The following NID2 variants were observed in gnomAD, a reference collection of about 807,000 sequenced individuals.
NID2 encodes nidogen-2.
In NID2, 83 loss-of-function variants were observed where a neutral mutation model predicts 145.4. The observed-to-expected ratio is 0.57, with a 90% CI of 0.48 to 0.69. The LOEUF (loss-of-function observed/expected upper bound fraction) is 0.69, where lower values mean the gene tolerates loss of function less well. Among genes scored for constraint, NID2 ranks in the 30% least tolerant of loss-of-function variants. NID2 has a pLI of 0.00. For missense variants in NID2, 1,807 were observed against 1,765.7 expected (o/e 1.02, Z -0.42); for synonymous variants, 739 against 701.3 (o/e 1.05, Z -0.85).
chr14:52,024,647 G>A (rs545812041), intron 12 of NID2, among the ~76,000 whole-genome samples: 1 of 152,124 alleles, frequency 6.6e-6, no homozygotes, highest in African/African-American at 2.4e-5. Context: ...TTATTATACA[G>A]CAATAGATAA....
At chr14:52,008,172 C>G (rs1404834947) in intron 18 of NID2, 1 of 457,458 alleles carries the variant, frequency 2.2e-6, no homozygotes, top group Admixed American at 4.1e-5. Context: ...GATATTCGGT[C>G]TCAAAAAACT....
intron 16 of NID2, among the ~76,000 whole-genome samples, chr14:52,013,786 G>C (rs1382366842): frequency 2.0e-5 from 3 of 152,166 alleles, no homozygotes; most frequent in Non-Finnish European, 2.9e-5. Flanking sequence ...GGTTAGGAAA[G>C]AAGTGGGTCA....
Position 52,054,183 on chromosome 14 carries a change from A to C in NID2, c.906T>G (p.His302Gln), listed in dbSNP as rs182972521. The change falls in exon 4 of 22, where the codon CAT becomes CAG. Residue 302 changes from histidine to glutamine, a missense_variant. Coordinates refer to ENST00000216286, the MANE Select transcript of NID2 (RefSeq NM_007361.4). ...SSVPLGRSFS[H>Q]ATALESDYNE... Reference sequence around the variant, plus strand: ...TATAGTCACTTTCCAGGGCTGTAGCATGGCTGAAGGAACGTCCCAGGGGAA... The same window carrying C: ...TATAGTCACTTTCCAGGGCTGTAGCCTGGCTGAAGGAACGTCCCAGGGGAA... 1 of 1,614,156 alleles carries C rather than the reference A, an allele frequency of 6.2e-7. No individual in the cohort carries two copies. The highest frequency in any genetic ancestry group is 1.7e-5 in the Admixed American group (1 of 60,016).
At chr14:52,007,476 A>G in intron 19 of NID2, 1 of 286,454 alleles carries the variant, frequency 3.5e-6, no homozygotes. Flanking sequence ...TTTATAGGTA[A>G]GTTATAGTGA....
intron 12 of NID2, 143 bp downstream of exon 12, chr14:52,027,058 C>T (rs569356231): frequency 7.0e-5 from 55 of 791,210 alleles, no homozygotes; most frequent in South Asian, 4.6e-4. Context: ...ACTCAAAGGA[C>T]GCTTTTTTCT....
rs754581121 is a variant in NID2 at position 52,005,437 on chromosome 14, G to A, written c.*49C>T. 6 of 1,516,700 alleles carry A rather than the reference G, an allele frequency of 4.0e-6. No homozygotes were observed. Among genetic ancestry groups the A allele is most frequent in the Middle Eastern group, 1.8e-4 (1 of 5,686 alleles). The allele number at this position is 1,516,700 out of a possible 1,614,324, so 94.0% of individuals were successfully genotyped here. A position where few individuals can be genotyped will look rare whatever the true frequency, so the allele number is the denominator to read the frequency against. On this transcript the variant is annotated 3_prime_UTR_variant, in exon 22 of 22. Coordinates refer to ENST00000216286, the MANE Select transcript of NID2 (RefSeq NM_007361.4). ...TGCCTTTGCAGTCACTGTTCTTTAG[G>A]GTCCAGGTTCTGATTGTAAACTCCA... is the stretch of plus-strand genomic sequence containing the variant.
At position 52,027,165 on chromosome 14, in the gene NID2, C is replaced by A. The variant is rs952314623; in HGVS notation, c.2674+36G>T. ...ATGTGGGGATGTGCATCCAAAGCAA[C>A]TTTCCAGTCATTGAGGCTGACCTGC... On this transcript the variant is annotated intron_variant, in intron 12 of 21. Transcript: ENST00000216286. 11 of 1,435,572 alleles carry A rather than the reference C, an allele frequency of 7.7e-6. No homozygotes were observed. In the African/African-American group the frequency reaches 1.2e-4, roughly 15 times the overall value. The allele number at this position is 1,435,572 out of a possible 1,614,324, so 88.9% of individuals were successfully genotyped here.
Position 52,015,261 on chromosome 14 carries a change from G to T in NID2, c.3043C>A (p.Pro1015Thr). 2 of 1,611,360 alleles carry T rather than the reference G, an allele frequency of 1.2e-6. No homozygotes were observed. The highest frequency in any genetic ancestry group is 8.5e-7 in the Non-Finnish European group (1 of 1,177,742). Residue 1015 changes from proline to threonine, a missense_variant, in exon 15 of 22, where the codon CCC becomes ACC. Physicochemically the swap from Pro to Thr is conservative, Grantham distance 38 (BLOSUM62 -1). Coordinates refer to ENST00000216286, the MANE Select transcript of NID2 (RefSeq NM_007361.4). ...CGPSPEPTQRPPTICERWREN... is the reference protein window; with the variant it reads ...CGPSPEPTQRTPTICERWREN... ...CTCCAGCGCTCACAGATGGTCGGGGGCCTCTGGGTGGGCTCTGAGCAGATG... is the reference window on the plus strand; with the variant it reads ...CTCCAGCGCTCACAGATGGTCGGGGTCCTCTGGGTGGGCTCTGAGCAGATG...
intron 9 of NID2, among the ~76,000 whole-genome samples, chr14:52,035,305 C>T (rs545461535): frequency 1.1e-4 from 16 of 152,334 alleles, no homozygotes; most frequent in Admixed American, 3.9e-4. Flanking sequence ...CTGGCAACCA[C>T]TGATCTTTTT....
At chr14:52,064,037 G>T (rs978226392) in intron 2 of NID2, among the ~76,000 whole-genome samples, 1 of 152,052 alleles carries the variant, frequency 6.6e-6, no homozygotes, top group African/African-American at 2.4e-5. Context: ...TGATATCTCA[G>T]ACTCAGTCTG....
intron 8 of NID2, among the ~76,000 whole-genome samples, chr14:52,040,154 T>G (rs1892225247): frequency 6.6e-6 from 1 of 152,216 alleles, no homozygotes; most frequent in Admixed American, 6.5e-5. Flanking sequence ...TTGGCCAGGC[T>G]GGTCTTGAAC....
At chr14:52,054,445 T>A in intron 3 of NID2, 124 bp from the exon 4 acceptor site, 1 of 994,104 alleles carries the variant, frequency 1.0e-6, no homozygotes, top group Non-Finnish European at 1.4e-6. Flanking sequence ...CTCACACTTA[T>A]AATCCCAGCA....
intron 17 of NID2, 56 bp downstream of exon 17, chr14:52,011,498 G>A: frequency 6.2e-7 from 1 of 1,610,040 alleles, no homozygotes; most frequent in East Asian, 2.2e-5. Context: ...GCGTAAAGTA[G>A]ACAAGTGACT....
At position 52,042,308 on chromosome 14, in the gene NID2, T is replaced by A; in HGVS notation, c.1622A>T (p.His541Leu). The A allele has an allele frequency of 1.2e-6, 2 of 1,613,606 alleles. No individual in the cohort carries two copies. The highest frequency in any genetic ancestry group is 1.7e-6 in the Non-Finnish European group (2 of 1,179,590). ...GAAGTGCACGGGTGTATGGCCCACG[T>A]GGAGGTGGCCACTCACTTTCCCATT... Reference protein sequence around the residue: ...RVNGKVSGHLHVGHTPVHFTD... With the variant: ...RVNGKVSGHLLVGHTPVHFTD... The change falls in exon 7 of 22, where the codon CAC (histidine) becomes CTC (leucine). Residue 541 changes from histidine (H) to leucine (L), a missense_variant. Coordinates refer to ENST00000216286, the MANE Select transcript of NID2 (RefSeq NM_007361.4).
chr14:52,045,898 A>G (rs1157361670), intron 5 of NID2, among the ~76,000 whole-genome samples: 4 of 49,210 alleles, frequency 8.1e-5, no homozygotes, highest in African/African-American at 4.4e-4. Context: ...AACTATGCAA[A>G]CTGTCTTTCA....
At chr14:52,028,488 C>G (rs771734405) in intron 11 of NID2, 6 of 352,888 alleles carry the variant, frequency 1.7e-5, no homozygotes, top group Non-Finnish European at 2.6e-5. Flanking sequence ...GTTGCCCAGG[C>G]TGGTCTCGAA....
At chr14:52,022,498 C>G (rs564417904) in intron 12 of NID2, among the ~76,000 whole-genome samples, 1 of 152,202 alleles carries the variant, frequency 6.6e-6, no homozygotes, top group African/African-American at 2.4e-5. Flanking sequence ...CTTTCAGCCC[C>G]CTGGCAAGGG....
At chr14:52,040,913 A>G (rs1413589849) in intron 7 of NID2, 62 bp from the exon 8 acceptor site, 18 of 1,457,068 alleles carry the variant, frequency 1.2e-5, no homozygotes, top group Non-Finnish European at 1.5e-5. Context: ...AGTTACCAGT[A>G]TATACTGCCC....
chr14:52,040,728 C>G lies in NID2; in HGVS notation c.1949G>C (p.Gly650Ala). ...NYLSIKTNIQ[G>A]QVPYVSANFT... The stretch of plus-strand genomic sequence containing the variant: ...ATTTGCTGAGACGTAAGGCACCTGG[C>G]CTTGAATGTTGGTCTTAATGCTCAG... The change falls in exon 8 of 22, where the codon GGC becomes GCC. Residue 650 changes from glycine to alanine, a missense_variant. Physicochemically the swap from Gly to Ala is moderately conservative, Grantham distance 60. Coordinates refer to ENST00000216286, the MANE Select transcript of NID2 (RefSeq NM_007361.4). 2.5e-6 allele frequency: 4 copies of G among 1,614,044 alleles called. No individual in the cohort carries two copies. In the Middle Eastern group the frequency reaches 6.6e-4, roughly 266 times the overall value.
Sources: allele counts gnomAD v4.1 joint callset (sites outside exome capture counted in the v4.1 genomes callset), GRCh38; gene constraint gnomAD v4.1.1; transcripts MANE v1.5; gene names NCBI Gene and HGNC (gene_info 2026-07-23, HGNC 2026-07-21).